CNTN4: variants seen among roughly 807,000 people sequenced by gnomAD.
CNTN4 encodes the protein contactin-4.
In CNTN4, 77 loss-of-function variants were observed where a neutral mutation model predicts 122.5. That is an observed-to-expected ratio of 0.63 (90% CI 0.52 to 0.76). The LOEUF is 0.76. CNTN4 is among the 30% of genes least tolerant of loss of function. The pLI is 0.00. For missense variants in CNTN4, 1,256 were observed against 1,259.1 expected, an observed-to-expected ratio of 1.00 and a Z score of 0.04; for synonymous variants, 512 against 447.0, an observed-to-expected ratio of 1.15 and a Z score of -1.83.
At chr3:2,452,173 G>C (rs1315799868) in intron 3 of CNTN4, among the ~76,000 whole-genome samples, 1 of 152,166 alleles carries the variant, frequency 6.6e-6, no homozygotes, top group Non-Finnish European at 1.5e-5. Context: ...CTCATTTATA[G>C]ACTCTGCTAT....
chr3:2,814,938 A>C lies in CNTN4; in HGVS notation c.359-4548A>C, dbSNP rs554204122. Among the ~76,000 whole-genome samples the C allele has an allele frequency of 5.3e-5, 8 of 152,326 alleles. No individual in the cohort carries two copies. In the South Asian group the frequency reaches 1.4e-3, roughly 28 times the overall value. On this transcript the variant is annotated intron_variant, in intron 6 of 24. Coordinates refer to ENST00000418658, the MANE Select transcript of CNTN4 (RefSeq NM_175607.3). ...TCTGCAAGTCAATTCTATTGTTGCTATTAGTGTGATGGCCACAGTGACAGA... is the reference window on the plus strand; with the variant it reads ...TCTGCAAGTCAATTCTATTGTTGCTCTTAGTGTGATGGCCACAGTGACAGA...
intron 6 of CNTN4, among the ~76,000 whole-genome samples, chr3:2,811,142 G>A (rs945231010): frequency 6.6e-6 from 1 of 152,060 alleles, no homozygotes. Flanking sequence ...AGGTGCGGTG[G>A]CTCACACCTG....
At chr3:2,729,252 C>A (rs1432153511) in intron 4 of CNTN4, among the ~76,000 whole-genome samples, 1 of 152,136 alleles carries the variant, frequency 6.6e-6, no homozygotes, top group Non-Finnish European at 1.5e-5. Flanking sequence ...TTTTTCTTCA[C>A]TGGGATCCTA....
intron 3 of CNTN4, among the ~76,000 whole-genome samples, chr3:2,556,688 G>A (rs2078735850): frequency 6.6e-6 from 1 of 151,878 alleles, no homozygotes; most frequent in Non-Finnish European, 1.5e-5. Flanking sequence ...TTATATATGT[G>A]TGTGTATATG....
chr3:2,654,753 G>A (rs543067684), intron 4 of CNTN4, among the ~76,000 whole-genome samples: 16 of 152,248 alleles, frequency 1.1e-4, no homozygotes, highest in African/African-American at 3.8e-4. Flanking sequence ...TCTTACCCTA[G>A]CAAATACAGT....
Position 2,691,962 on chromosome 3 carries a change from A to T in CNTN4, c.56-44253A>T, listed in dbSNP as rs1030115704. ...GGATACCTACCTGCTAGGGACGGTG[A>T]CATTTGTTCTTACTGCTTTGCAGAG... is the stretch of plus-strand genomic sequence containing the variant. On this transcript the variant is annotated intron_variant, in intron 4 of 24. Transcript: ENST00000418658. Among the ~76,000 whole-genome samples the T allele has an allele frequency of 6.6e-5, 10 of 152,326 alleles. No individual in the cohort carries two copies. The East Asian group carries it at 1.9e-3, about 29-fold the overall frequency.
intron 14 of CNTN4, among the ~76,000 whole-genome samples, chr3:2,990,872 T>C (rs1694992734): frequency 1.3e-5 from 2 of 152,236 alleles, no homozygotes; most frequent in African/African-American, 4.8e-5. Context: ...AGTTTACAGT[T>C]ACAATTTTTT....
intron 6 of CNTN4, among the ~76,000 whole-genome samples, chr3:2,808,263 T>G (rs2092517153): frequency 1.3e-5 from 2 of 152,194 alleles, no homozygotes; most frequent in African/African-American, 2.4e-5. Flanking sequence ...TTCTGTAGAT[T>G]ACTGACTTTA....
intron 12 of CNTN4, among the ~76,000 whole-genome samples, chr3:2,925,256 A>G (rs1380194370): frequency 9.9e-5 from 15 of 152,242 alleles, no homozygotes; most frequent in Admixed American, 9.8e-4. Flanking sequence ...CAATAAGTGT[A>G]TTAGAGAAAG....
intron 2 of CNTN4, among the ~76,000 whole-genome samples, chr3:2,152,097 G>A (rs1020809550): frequency 1.3e-5 from 2 of 152,184 alleles, no homozygotes; most frequent in African/African-American, 4.8e-5. Flanking sequence ...GTCAAGGTAG[G>A]TCTCATAGAG....
At chr3:2,287,693 GGAAGAAGAAGAAGAA>G (rs528581339) in intron 2 of CNTN4, among the ~76,000 whole-genome samples, 5 of 80,924 alleles carry the variant, frequency 6.2e-5, no homozygotes, top group African/African-American at 2.3e-4. Context: ...AAGAAGAAGA[GGAAGAAGAAGAAGAA>G]GAGGAAGAAG....
rs1701830774 is a variant in CNTN4, at chr3:3,056,824, T to C, written c.*604T>C. On this transcript the variant is annotated 3_prime_UTR_variant, in exon 25 of 25. Coordinates refer to ENST00000418658, the MANE Select transcript of CNTN4 (RefSeq NM_175607.3). ...TGTGATTTTGACATGTACAGTATGT[T>C]TTCATGCCGTTGTGAATTTTGTTGT... 1.3e-5 allele frequency: 2 copies of C among 152,774 alleles called. No homozygotes were observed. The allele number at this position is 152,774 out of a possible 1,614,324, so 9.5% of individuals were successfully genotyped here. A position where few individuals can be genotyped will look rare whatever the true frequency, so the allele number is the denominator to read the frequency against.
intron 3 of CNTN4, among the ~76,000 whole-genome samples, chr3:2,512,639 T>C (rs892820959): frequency 2.6e-5 from 4 of 152,152 alleles, no homozygotes; most frequent in African/African-American, 9.7e-5. Flanking sequence ...AGTGGAATAA[T>C]TGAGCTGTTG....
intron 7 of CNTN4, among the ~76,000 whole-genome samples, chr3:2,848,899 A>T (rs1376293233): frequency 6.6e-6 from 1 of 152,216 alleles, no homozygotes; most frequent in Non-Finnish European, 1.5e-5. Context: ...TGGAGCCAGA[A>T]CGGAGATTAG....
At chr3:2,334,023 T>G (rs1223481931) in intron 2 of CNTN4, among the ~76,000 whole-genome samples, 1 of 152,194 alleles carries the variant, frequency 6.6e-6, no homozygotes, top group Non-Finnish European at 1.5e-5. Flanking sequence ...ACAATGGCCT[T>G]TAAGAATACG....
At chr3:2,339,591 C>T (rs2044102947) in intron 3 of CNTN4, among the ~76,000 whole-genome samples, 1 of 152,102 alleles carries the variant, frequency 6.6e-6, no homozygotes. Flanking sequence ...GATGTTTTAG[C>T]AGTCAAACCA....
At chr3:2,809,378 T>A (rs995162002) in intron 6 of CNTN4, among the ~76,000 whole-genome samples, 1 of 152,190 alleles carries the variant, frequency 6.6e-6, no homozygotes, top group Non-Finnish European at 1.5e-5. Context: ...GAGACTGGGT[T>A]AGCTGCAAGG....
rs893708242 is a variant in CNTN4, at chr3:2,259,848, G to T, written c.-144-79330G>T. ...CATCAGACCTGGGGTTCACATCCTC[G>T]TATCTTTGCATTCTTTCCCATCCAT... On this transcript the variant is annotated intron_variant, in intron 2 of 24. Coordinates refer to ENST00000418658, the MANE Select transcript of CNTN4 (RefSeq NM_175607.3). Among the ~76,000 whole-genome samples, 14 of 152,202 alleles carry T rather than the reference G, an allele frequency of 9.2e-5. No homozygotes were observed. The South Asian group carries it at 2.9e-3, about 32-fold the overall frequency.
chr3:2,558,000 A>G (rs899510685), intron 3 of CNTN4, among the ~76,000 whole-genome samples: 3 of 152,188 alleles, frequency 2.0e-5, no homozygotes, highest in African/African-American at 4.8e-5. Context: ...AAAATCTGCA[A>G]TGGTATACTG....
Sources: gnomAD v4.1 joint callset for allele counts (sites outside exome capture counted in the v4.1 genomes callset) on GRCh38, gnomAD v4.1.1 for gene constraint, MANE v1.5 for transcripts, NCBI Gene and HGNC (gene_info 2026-07-23, HGNC 2026-07-21) for gene names.